Variants in AHI1 observed in about 807,000 individuals in gnomAD.
AHI1 encodes the protein Abelson helper integration site 1.
A neutral mutation model predicts 149.3 loss-of-function variants in AHI1; 123 were observed. That is an observed-to-expected ratio of 0.82 (90% CI 0.71 to 0.96). AHI1 has a LOEUF of 0.96. Ranked by LOEUF, AHI1 falls within the 40% of genes least tolerant of loss-of-function variation. The pLI, the probability that AHI1 is intolerant of heterozygous loss-of-function variation, is 0.00. For missense variants in AHI1, 1,439 were observed against 1,422.7 expected (o/e 1.01, Z -0.18); for synonymous variants, 475 against 459.8 (o/e 1.03, Z -0.42).
intron 16 of AHI1, 111 bp downstream of exon 16, chr6:135,432,916 C>T: frequency 1.3e-6 from 1 of 754,446 alleles, no homozygotes; most frequent in Admixed American, 2.4e-5. Context: ...TAAGCATAAA[C>T]CTAAATATGC....
intron 23 of AHI1, among the ~76,000 whole-genome samples, chr6:135,381,051 A>G (rs749438047): frequency 6.6e-6 from 1 of 152,122 alleles, no homozygotes; most frequent in African/African-American, 2.4e-5. Flanking sequence ...TTTGCCTGTT[A>G]TATGTGCATT....
chr6:135,395,189 A>C (rs1311932482), intron 22 of AHI1, among the ~76,000 whole-genome samples: 1 of 152,034 alleles, frequency 6.6e-6, no homozygotes, highest in Non-Finnish European at 1.5e-5. Context: ...TATGCAAAGT[A>C]ATGCAAGAAA....
chr6:135,314,508 TACAA>T (rs1785655673), intron 26 of AHI1, among the ~76,000 whole-genome samples: 2 of 152,234 alleles, frequency 1.3e-5, no homozygotes, highest in South Asian at 2.1e-4. Flanking sequence ...GCTGCTGAAT[TACAA>T]ACAATGGGTA....
intron 5 of AHI1, among the ~76,000 whole-genome samples, chr6:135,475,284 T>G (rs1792419516): frequency 6.6e-6 from 1 of 152,226 alleles, no homozygotes; most frequent in East Asian, 1.9e-4. Context: ...AATTTGCGTC[T>G]TCTTTCCTTG....
intron 26 of AHI1, chr6:135,301,789 A>C (rs780794649): frequency 2.0e-6 from 2 of 985,278 alleles, no homozygotes; most frequent in African/African-American, 3.5e-5. Flanking sequence ...CTCAGTTAAA[A>C]CGTGTTTGGG....
At chr6:135,459,052 T>A (rs11965587) in intron 8 of AHI1, among the ~76,000 whole-genome samples, 9,956 of 152,116 alleles carry the variant, frequency 0.065, 740 homozygotes, top group African/African-American at 0.18. Flanking sequence ...CTAACTGACA[T>A]ACATAGGACA....
intron 25 of AHI1, among the ~76,000 whole-genome samples, chr6:135,320,222 G>T (rs1292677417): frequency 2.7e-5 from 4 of 149,890 alleles, no homozygotes; most frequent in Non-Finnish European, 5.9e-5. Context: ...ATTTTTCTAA[G>T]TTTTTTTTTT....
At chr6:135,331,059 A>C (rs574623723) in intron 24 of AHI1, among the ~76,000 whole-genome samples, 3 of 152,386 alleles carry the variant, frequency 2.0e-5, no homozygotes, top group South Asian at 2.1e-4. Flanking sequence ...AGGCATCACT[A>C]TAGAAATATC....
intron 23 of AHI1, among the ~76,000 whole-genome samples, chr6:135,377,430 T>C (rs999647395): frequency 6.6e-6 from 1 of 152,156 alleles, no homozygotes; most frequent in Admixed American, 6.5e-5. Context: ...CACTGTAAAA[T>C]ATTCCACATA....
intron 15 of AHI1, among the ~76,000 whole-genome samples, chr6:135,436,981 A>G (rs1785505471): frequency 6.6e-6 from 1 of 152,208 alleles, no homozygotes; most frequent in Admixed American, 6.5e-5. Context: ...TGTAATACAA[A>G]TTTTCAGGGA....
At chr6:135,490,030 C>G in intron 5 of AHI1, 1 of 605,388 alleles carries the variant, frequency 1.7e-6, no homozygotes, top group South Asian at 2.1e-5. Flanking sequence ...GGGCATAGAG[C>G]ATTAACTGTG....
chr6:135,483,615 A>G (rs1794053961), intron 5 of AHI1, among the ~76,000 whole-genome samples: 1 of 152,210 alleles, frequency 6.6e-6, no homozygotes, highest in Non-Finnish European at 1.5e-5. Context: ...ACTCTTAACA[A>G]TTTATATTTA....
intron 13 of AHI1, among the ~76,000 whole-genome samples, chr6:135,443,434 T>C (rs577459380): frequency 3.2e-4 from 48 of 152,340 alleles, no homozygotes; most frequent in African/African-American, 1.1e-3. Context: ...GAAGTAAACA[T>C]ATACTGGGCT....
Position 135,341,478 on chromosome 6 carries a change from A to G in AHI1, c.3165+16654T>C, listed in dbSNP as rs140475075. Among the ~76,000 whole-genome samples, 297 of 152,174 alleles carry G rather than the reference A, an allele frequency of 2.0e-3. 1 individual carries two copies. Among genetic ancestry groups the G allele is most frequent in the African/African-American group, 6.8e-3 (284 of 41,568 alleles). On this transcript the variant is annotated intron_variant, in intron 24 of 28. Coordinates refer to ENST00000265602, the MANE Select transcript of AHI1 (RefSeq NM_001134831.2). ...CAACATAAAAATAGAAGATTTAATC[A>G]ATGCTGTAATAGATGTCTATAGGAT... is the stretch of plus-strand genomic sequence containing the variant.
chr6:135,480,686 A>G (rs972214130), intron 5 of AHI1, among the ~76,000 whole-genome samples: 2 of 152,158 alleles, frequency 1.3e-5, no homozygotes, highest in Non-Finnish European at 2.9e-5. Context: ...TAACCAATTT[A>G]TGGATTAATG....
chr6:135,396,088 A>G (rs1365296019), intron 22 of AHI1, among the ~76,000 whole-genome samples: 2 of 151,782 alleles, frequency 1.3e-5, no homozygotes. Context: ...GAGTTAGCAA[A>G]TTCAGTGAAA....
intron 26 of AHI1, among the ~76,000 whole-genome samples, chr6:135,315,198 T>G (rs1469465145): frequency 6.6e-6 from 1 of 152,186 alleles, no homozygotes; most frequent in Non-Finnish European, 1.5e-5. Flanking sequence ...CCTAGTTCCT[T>G]GACCAGTTCA....
At chr6:135,329,622 T>TACA (rs754902827) in intron 24 of AHI1, among the ~76,000 whole-genome samples, 1 of 152,224 alleles carries the variant, frequency 6.6e-6, no homozygotes, top group East Asian at 1.9e-4. Context: ...TCATGCCAGC[T>TACA]ACAACAACAA....
intron 5 of AHI1, among the ~76,000 whole-genome samples, chr6:135,474,012 ATG>A (rs374154650): frequency 3.9e-5 from 6 of 152,346 alleles, no homozygotes; most frequent in African/African-American, 1.4e-4. Context: ...CTAATAAATT[ATG>A]TGAGATATTC....
Sources: allele counts gnomAD v4.1 joint callset (sites outside exome capture counted in the v4.1 genomes callset), GRCh38; gene constraint gnomAD v4.1.1; transcripts MANE v1.5; gene names NCBI Gene and HGNC (gene_info 2026-07-23, HGNC 2026-07-21).